Variants in CFAP43 observed in about 807,000 individuals in gnomAD.
The protein encoded by CFAP43 is cilia and flagella associated protein 43, also known as cilia- and flagella-associated protein 43.
Under a neutral mutation model 218.9 loss-of-function variants are expected in CFAP43, and 155 were observed. That is an observed-to-expected ratio of 0.71 (90% CI 0.62 to 0.81). CFAP43 has a LOEUF of 0.81. Ranked by LOEUF, CFAP43 falls within the 30% of genes least tolerant of loss-of-function variation. CFAP43 has a pLI of 0.00. For synonymous variants in CFAP43, 645 were observed against 681.3 expected, an observed-to-expected ratio of 0.95 and a Z score of 0.83; for missense variants, 1,778 against 1,954.3, an observed-to-expected ratio of 0.91 and a Z score of 1.70.
rs768344738 is a variant in CFAP43 at position 104,147,916 on chromosome 10, T to A, written c.3743A>T (p.Tyr1248Phe). The A allele has an allele frequency of 4.4e-6, 7 of 1,600,432 alleles. No individual in the cohort carries two copies. Among genetic ancestry groups the A allele is most frequent in the Non-Finnish European group, 5.1e-6 (6 of 1,173,962 alleles). The change falls in exon 29 of 38, where the codon TAC becomes TTC. Residue 1248 changes from tyrosine (Y) to phenylalanine (F), a missense_variant. This residue lies in a region of CFAP43 where 1,553 missense variants were observed against 1,685.2 expected (regional missense o/e 0.92). Coordinates refer to ENST00000357060, the MANE Select transcript of CFAP43 (RefSeq NM_025145.7). ...TTTCTCGTGCTGTTTCCTTGTAAGG[T>A]AGTTGTTCAGGAATTTTTCTCTAGA... ...LSSREKFLNN[Y>F]LTRKQHEKSQ...
At chr10:104,194,334 G>T (rs2090323312) in intron 10 of CFAP43, among the ~76,000 whole-genome samples, 1 of 152,114 alleles carries the variant, frequency 6.6e-6, no homozygotes, top group Non-Finnish European at 1.5e-5. Flanking sequence ...CTATTTAAGT[G>T]ATTGTGAAAC....
intron 27 of CFAP43, among the ~76,000 whole-genome samples, chr10:104,153,782 C>T (rs1036439250): frequency 6.7e-6 from 1 of 149,876 alleles, no homozygotes; most frequent in Non-Finnish European, 1.5e-5. Flanking sequence ...CTCTCTCTCT[C>T]TTCTCTCTCT....
At chr10:104,168,130 G>T (rs2089256946) in intron 21 of CFAP43, among the ~76,000 whole-genome samples, 1 of 152,258 alleles carries the variant, frequency 6.6e-6, no homozygotes, top group Non-Finnish European at 1.5e-5. Context: ...GCATAGAACA[G>T]CCCCCACAAC....
chr10:104,159,102 G>T (rs1056549297), intron 27 of CFAP43, among the ~76,000 whole-genome samples: 2 of 152,060 alleles, frequency 1.3e-5, no homozygotes, highest in Non-Finnish European at 2.9e-5. Flanking sequence ...TGCGGAAGCT[G>T]GATAAAGGGG....
intron 23 of CFAP43, among the ~76,000 whole-genome samples, chr10:104,165,084 C>T (rs1306665833): frequency 6.6e-6 from 1 of 152,186 alleles, no homozygotes; most frequent in African/African-American, 2.4e-5. Context: ...CAGAGAATCA[C>T]CACCACACAC....
chr10:104,213,588 T>C (rs1423320812), intron 4 of CFAP43, among the ~76,000 whole-genome samples: 2 of 151,888 alleles, frequency 1.3e-5, no homozygotes, highest in Non-Finnish European at 2.9e-5. Flanking sequence ...TAGGCTGGAG[T>C]GTAGTGGCAC....
At position 104,188,244 on chromosome 10, in the gene CFAP43, G is replaced by C. The variant is rs766307999; in HGVS notation, c.1687+26C>G. 4 of 1,611,912 alleles carry C rather than the reference G, an allele frequency of 2.5e-6. No homozygotes were observed. In the South Asian group the frequency reaches 3.3e-5, roughly 13 times the overall value. On this transcript the variant is annotated intron_variant, in intron 13 of 37. Coordinates refer to ENST00000357060, the MANE Select transcript of CFAP43 (RefSeq NM_025145.7). Reference sequence around the variant, plus strand: ...AACAATGTATCTGGGCTCAGGAGCAGAACTGGCTGCTTATGTTTTCCTTAC... The same window carrying C: ...AACAATGTATCTGGGCTCAGGAGCACAACTGGCTGCTTATGTTTTCCTTAC...
chr10:104,164,642 C>T (rs2089059884), intron 23 of CFAP43, among the ~76,000 whole-genome samples: 1 of 152,178 alleles, frequency 6.6e-6, no homozygotes, highest in Admixed American at 6.5e-5. Flanking sequence ...TTGTGATCCA[C>T]CTGCCTCGGC....
chr10:104,182,174 T>C (rs2089867891), intron 17 of CFAP43, among the ~76,000 whole-genome samples, 192 bp downstream of exon 17: 1 of 152,232 alleles, frequency 6.6e-6, no homozygotes, highest in Admixed American at 6.5e-5. Context: ...TGAAATGTAC[T>C]ATTTGCAATT....
chr10:104,205,147 A>G (rs1454891932), intron 7 of CFAP43, among the ~76,000 whole-genome samples: 1 of 135,720 alleles, frequency 7.4e-6, no homozygotes, highest in Non-Finnish European at 1.5e-5. Context: ...CAGGAGTTGG[A>G]GCTTGCAGTG....
chr10:104,227,749 AT>A (rs2091339670), intron 2 of CFAP43, among the ~76,000 whole-genome samples: 1 of 151,742 alleles, frequency 6.6e-6, no homozygotes, highest in South Asian at 2.1e-4. Context: ...ATACAATCAA[AT>A]ATGTCTGTCT....
chr10:104,168,744 C>T lies in CFAP43; in HGVS notation c.2691G>A (p.Lys897=). 6.2e-7 allele frequency: 1 copy of T among 1,613,096 alleles called. No homozygotes were observed. The highest frequency in any genetic ancestry group is 8.5e-7 in the Non-Finnish European group (1 of 1,179,120). The change falls in exon 21 of 38, where the codon AAG becomes AAA. Residue 897 remains lysine, a splice_region_variant and synonymous_variant. Coordinates refer to ENST00000357060, the MANE Select transcript of CFAP43 (RefSeq NM_025145.7). ...TTGTACCTAGGGTTCTATCTGTTAC[C>T]TTAAGAGCTCGACCTTTCACAGCCA... ...NSMAVKGRAL[K]CFHIPCVVEN... is the part of the protein sequence containing the mutation.
At chr10:104,162,291 G>A in intron 25 of CFAP43, 26 bp downstream of exon 25, 1 of 1,579,578 alleles carries the variant, frequency 6.3e-7, no homozygotes, top group Non-Finnish European at 8.6e-7. Flanking sequence ...AGGGTCTTAG[G>A]ACCTGTGTTA....
At chr10:104,144,887 A>G (rs1165298629) in intron 31 of CFAP43, among the ~76,000 whole-genome samples, 1 of 152,244 alleles carries the variant, frequency 6.6e-6, no homozygotes, top group Non-Finnish European at 1.5e-5. Context: ...TTATACTGGC[A>G]TCTTTCAAAC....
chr10:104,132,189 T>C lies in CFAP43; in HGVS notation c.4604A>G (p.Asn1535Ser). The change falls in exon 36 of 38, where the codon AAT becomes AGT. Residue 1535 changes from asparagine to serine, a missense_variant. Asn to Ser is a conservative substitution (Grantham distance 46). Around this residue, in one of 3 missense-constraint regions of CFAP43, gnomAD observed 211 missense variants for 230.6 expected, o/e 0.91. Coordinates refer to ENST00000357060, the MANE Select transcript of CFAP43 (RefSeq NM_025145.7). The stretch of plus-strand genomic sequence containing the variant: ...AATCAGAGCCTCATAGTTTGGTTCA[T>C]TTAGGTACTTTGAGATTAAAAAAAA... ...FFSRDRQKYL[N>S]EPNYEALISI... 6.3e-7 allele frequency: 1 copy of C among 1,594,432 alleles called. No individual in the cohort carries two copies. The highest frequency in any genetic ancestry group is 8.5e-7 in the Non-Finnish European group (1 of 1,171,122).
At chr10:104,155,162 C>T (rs943307442) in intron 27 of CFAP43, among the ~76,000 whole-genome samples, 14 of 152,112 alleles carry the variant, frequency 9.2e-5, no homozygotes, top group African/African-American at 3.4e-4. Context: ...GGAGGCTGGG[C>T]TTTTGTACCC....
At chr10:104,142,455 A>G in intron 32 of CFAP43, 62 bp from the exon 33 acceptor site, 1 of 1,245,746 alleles carries the variant, frequency 8.0e-7, no homozygotes, top group Admixed American at 2.4e-5. Flanking sequence ...GACAACATAC[A>G]TCTTTTAACT....
intron 8 of CFAP43, 23 bp downstream of exon 8, chr10:104,203,649 C>T: frequency 6.3e-7 from 1 of 1,583,168 alleles, no homozygotes; most frequent in Non-Finnish European, 8.6e-7. Context: ...AATCACATAT[C>T]AAGAAATTAC....
intron 3 of CFAP43, chr10:104,218,804 C>T (rs1259572321): frequency 1.8e-6 from 1 of 548,616 alleles, no homozygotes; most frequent in Admixed American, 1.9e-5. Flanking sequence ...CTCTGCTGTT[C>T]CTAGGGTGTT....
Sources: allele counts gnomAD v4.1 joint callset (sites outside exome capture counted in the v4.1 genomes callset), GRCh38; gene constraint gnomAD v4.1.1; regional missense constraint gnomAD v4.1.1; transcripts MANE v1.5; gene names NCBI Gene and HGNC (gene_info 2026-07-23, HGNC 2026-07-21).